Variants in HPSE2 observed in about 807,000 individuals in gnomAD.
The protein encoded by HPSE2 is heparanase 2 (inactive).
A neutral mutation model predicts 60.5 loss-of-function variants in HPSE2; 38 were observed. The observed-to-expected ratio is 0.63, with a 90% CI of 0.48 to 0.82. The LOEUF is 0.82. HPSE2 is among the 40% of genes least tolerant of loss of function. The pLI, the probability that HPSE2 is intolerant of heterozygous loss-of-function variation, is 0.00. For missense variants in HPSE2, 713 were observed against 740.4 expected, an observed-to-expected ratio of 0.96 and a Z score of 0.43; for synonymous variants, 295 against 293.2, an observed-to-expected ratio of 1.01 and a Z score of -0.06.
intron 9 of HPSE2, among the ~76,000 whole-genome samples, chr10:98,558,545 A>G (rs1944080778): frequency 6.6e-6 from 1 of 152,204 alleles, no homozygotes; most frequent in Non-Finnish European, 1.5e-5. Context: ...TAGAGTATAA[A>G]ACTGGCAAAA....
At chr10:98,802,095 C>G (rs957263235) in intron 3 of HPSE2, among the ~76,000 whole-genome samples, 1 of 151,974 alleles carries the variant, frequency 6.6e-6, no homozygotes, top group Non-Finnish European at 1.5e-5. Context: ...AAGACAGTCA[C>G]TTCAATAAAG....
At chr10:98,478,305 TC>T (rs1347975870) in intron 11 of HPSE2, among the ~76,000 whole-genome samples, 1 of 152,090 alleles carries the variant, frequency 6.6e-6, no homozygotes, top group Admixed American at 6.5e-5. Context: ...TGCCACCACT[TC>T]CTCTAGTCAT....
chr10:98,630,881 G>A (rs1946350647), intron 7 of HPSE2, among the ~76,000 whole-genome samples: 1 of 152,094 alleles, frequency 6.6e-6, no homozygotes, highest in Admixed American at 6.6e-5. Flanking sequence ...TTCCAGTTTA[G>A]GGCTCTGTTC....
intron 3 of HPSE2, among the ~76,000 whole-genome samples, chr10:99,077,022 A>T (rs925855059): frequency 3.3e-5 from 5 of 152,158 alleles, no homozygotes; most frequent in African/African-American, 1.2e-4. Context: ...AGCACTTTGA[A>T]TATATCATCC....
At position 98,935,660 on chromosome 10, in the gene HPSE2, G is replaced by T. The variant is rs1417683378; in HGVS notation, c.611-191604C>A. Among the ~76,000 whole-genome samples, 2 of 144,306 alleles carry T rather than the reference G, an allele frequency of 1.4e-5. 1 individual carries two copies. The highest frequency in any genetic ancestry group is 5.6e-5 in the African/African-American group (2 of 35,678). 94.7% of individuals were successfully genotyped at this position (144,306 alleles called of 152,430 possible). A position where few individuals can be genotyped will look rare whatever the true frequency, so the allele number is the denominator to read the frequency against. On this transcript the variant is annotated intron_variant, in intron 3 of 11. Coordinates refer to ENST00000370552, the MANE Select transcript of HPSE2 (RefSeq NM_021828.5). ...TTGCTGCCGGCTCCTTCCTCTGGAA[G>T]CTTCATCCCAGAGGGGCACTGACCT...
chr10:98,774,763 C>A (rs1950305835), intron 3 of HPSE2, among the ~76,000 whole-genome samples: 1 of 152,198 alleles, frequency 6.6e-6, no homozygotes. Flanking sequence ...GTCTTCCCCA[C>A]TGGGCTCAGT....
intron 11 of HPSE2, among the ~76,000 whole-genome samples, chr10:98,463,470 A>G (rs1940393221): frequency 6.6e-6 from 1 of 152,248 alleles, no homozygotes; most frequent in Non-Finnish European, 1.5e-5. Context: ...TGAAAATGTA[A>G]GTAGATATTG....
chr10:99,311,423 T>A, the HPSE2 span, among the ~76,000 whole-genome samples: 1 of 152,236 alleles, frequency 6.6e-6, no homozygotes, highest in Admixed American at 6.5e-5. Context: ...TTTTTGTAAT[T>A]CTTGTTAATA....
At chr10:99,313,847 G>T in the HPSE2 span, among the ~76,000 whole-genome samples, 1 of 151,592 alleles carries the variant, frequency 6.6e-6, no homozygotes, top group South Asian at 2.1e-4. Flanking sequence ...TAATCTGCCG[G>T]CCTCGACCTC....
chr10:98,615,700 A>G (rs1945887543), intron 8 of HPSE2, among the ~76,000 whole-genome samples: 1 of 152,180 alleles, frequency 6.6e-6, no homozygotes. Flanking sequence ...CCATCCTTCA[A>G]AAATACTGCC....
chr10:98,563,868 G>A (rs1174271324), intron 9 of HPSE2, among the ~76,000 whole-genome samples: 2 of 152,036 alleles, frequency 1.3e-5, no homozygotes, highest in South Asian at 2.1e-4. Flanking sequence ...GGGGTCCTGG[G>A]GTCAGACAGG....
intron 11 of HPSE2, among the ~76,000 whole-genome samples, chr10:98,462,931 T>C (rs1198105604): frequency 6.7e-6 from 1 of 150,276 alleles, no homozygotes; most frequent in Non-Finnish European, 1.5e-5. Context: ...ATTCAAAATC[T>C]TCTCCTCAAA....
intron 3 of HPSE2, among the ~76,000 whole-genome samples, chr10:99,000,463 A>G (rs1232655848): frequency 1.3e-5 from 2 of 152,154 alleles, no homozygotes; most frequent in African/African-American, 4.8e-5. Flanking sequence ...ACCAAGAAAA[A>G]TTGCATAGAG....
intron 9 of HPSE2, among the ~76,000 whole-genome samples, chr10:98,531,278 CAGG>C (rs72458806): frequency 0.85 from 129,381 of 152,006 alleles, 56,293 homozygotes; most frequent in East Asian, 1. Context: ...TAACTTGTTC[CAGG>C]AGGAGAATGG....
At chr10:99,247,273 A>G in the HPSE2 span, among the ~76,000 whole-genome samples, 1 of 152,254 alleles carries the variant, frequency 6.6e-6, no homozygotes, top group South Asian at 2.1e-4. Context: ...ACCTTTTGGT[A>G]AAGATCACTT....
intron 3 of HPSE2, among the ~76,000 whole-genome samples, chr10:98,856,760 A>G (rs1952325987): frequency 6.6e-6 from 1 of 152,204 alleles, no homozygotes; most frequent in Non-Finnish European, 1.5e-5. Flanking sequence ...CAAAAATATG[A>G]AAGAGAAATA....
At chr10:99,158,535 T>C (rs1211142516) in intron 2 of HPSE2, among the ~76,000 whole-genome samples, 1 of 137,622 alleles carries the variant, frequency 7.3e-6, no homozygotes, top group Non-Finnish European at 1.5e-5. Flanking sequence ...TTCTCACTAA[T>C]AGGTGGGAAT....
chr10:98,565,846 TATC>T (rs113527339), intron 9 of HPSE2, among the ~76,000 whole-genome samples: 5 of 150,802 alleles, frequency 3.3e-5, no homozygotes, highest in African/African-American at 7.3e-5. Flanking sequence ...TAAAAACCTG[TATC>T]ATCATCATCA....
chr10:98,857,677 G>T (rs1381000497), intron 3 of HPSE2, among the ~76,000 whole-genome samples: 4 of 152,132 alleles, frequency 2.6e-5, no homozygotes, highest in Admixed American at 2.6e-4. Context: ...CTAATAATTA[G>T]AAGCAAAGAT....
Sources: allele counts gnomAD v4.1 joint callset (sites outside exome capture counted in the v4.1 genomes callset), GRCh38; gene constraint gnomAD v4.1.1; transcripts MANE v1.5; gene names NCBI Gene and HGNC (gene_info 2026-07-23, HGNC 2026-07-21).